RGS6: variants seen among roughly 807,000 people sequenced by gnomAD.
RGS6 encodes regulator of G-protein signaling 6.
Under a neutral mutation model 78.5 loss-of-function variants are expected in RGS6, and 30 were observed. The observed-to-expected ratio is 0.38, with a 90% CI of 0.29 to 0.52. The LOEUF is 0.52. Among genes scored for constraint, RGS6 ranks in the 20% least tolerant of loss-of-function variants. The probability of loss-of-function intolerance (pLI) is 0.85; values close to 1 mark genes in which losing one functional copy is unlikely to be tolerated. For synonymous variants in RGS6, 206 were observed against 206.0 expected, an observed-to-expected ratio of 1.00 and a Z score of 0.00; for missense variants, 495 against 609.7, an observed-to-expected ratio of 0.81 and a Z score of 1.98.
intron 2 of RGS6, among the ~76,000 whole-genome samples, chr14:72,169,493 A>G (rs142344323): frequency 1.3e-5 from 2 of 152,356 alleles, no homozygotes; most frequent in Non-Finnish European, 2.9e-5. Flanking sequence ...TAGTGTTTCA[A>G]CAGAAACAGT....
At chr14:72,506,758 T>G (rs537311264) in intron 13 of RGS6, among the ~76,000 whole-genome samples, 2 of 152,226 alleles carry the variant, frequency 1.3e-5, no homozygotes, top group East Asian at 3.9e-4. Context: ...GAATCTGACT[T>G]ATTTGGAAAT....
chr14:72,349,746 A>G (rs2078766695), intron 2 of RGS6, among the ~76,000 whole-genome samples: 1 of 152,186 alleles, frequency 6.6e-6, no homozygotes. Flanking sequence ...AACTAAACTG[A>G]GTGGAGGACA....
intron 2 of RGS6, among the ~76,000 whole-genome samples, chr14:72,347,946 C>T (rs1416576267): frequency 6.6e-6 from 1 of 152,154 alleles, no homozygotes; most frequent in Non-Finnish European, 1.5e-5. Context: ...GCTTTATTTG[C>T]CATGTTCAGC....
chr14:72,174,570 G>A (rs1195496946), intron 2 of RGS6, among the ~76,000 whole-genome samples: 2 of 152,160 alleles, frequency 1.3e-5, no homozygotes, highest in East Asian at 3.9e-4. Flanking sequence ...ACCTCTTGAG[G>A]GGTCCTAGAA....
chr14:71,886,198 T>C, the RGS6 span, among the ~76,000 whole-genome samples: 1 of 152,234 alleles, frequency 6.6e-6, no homozygotes, highest in Non-Finnish European at 1.5e-5. Flanking sequence ...GAATTCAGCC[T>C]AAATATTGCC....
At chr14:72,289,943 C>T (rs2063281545) in intron 2 of RGS6, among the ~76,000 whole-genome samples, 1 of 152,144 alleles carries the variant, frequency 6.6e-6, no homozygotes, top group Non-Finnish European at 1.5e-5. Flanking sequence ...GTTGTTTTCC[C>T]TGTCACTTCT....
the RGS6 span, among the ~76,000 whole-genome samples, chr14:72,603,132 T>C: frequency 6.6e-6 from 1 of 152,354 alleles, no homozygotes; most frequent in African/African-American, 2.4e-5. Flanking sequence ...AGAAGAAAGT[T>C]GGCCATTTTG....
intron 1 of RGS6, among the ~76,000 whole-genome samples, chr14:71,943,861 A>G (rs1252589135): frequency 6.6e-6 from 1 of 152,214 alleles, no homozygotes; most frequent in African/African-American, 2.4e-5. Context: ...AGGAGGAAGG[A>G]TGGGCTAGTA....
chr14:72,209,442 T>C (rs1253217787), intron 2 of RGS6, among the ~76,000 whole-genome samples: 1 of 152,202 alleles, frequency 6.6e-6, no homozygotes, highest in African/African-American at 2.4e-5. Context: ...AAGTGAGCAA[T>C]TTTATTAAAA....
At chr14:71,882,241 T>C in the RGS6 span, among the ~76,000 whole-genome samples, 1 of 152,252 alleles carries the variant, frequency 6.6e-6, no homozygotes, top group African/African-American at 2.4e-5. Flanking sequence ...CACAATGTCC[T>C]AAAGTTTTAT....
At chr14:72,104,483 T>A (rs905028992) in intron 2 of RGS6, among the ~76,000 whole-genome samples, 1 of 152,180 alleles carries the variant, frequency 6.6e-6, no homozygotes, top group South Asian at 2.1e-4. Flanking sequence ...GAAATGAAAC[T>A]TGAACAGAAC....
intron 2 of RGS6, among the ~76,000 whole-genome samples, chr14:72,074,960 CT>C (rs1384697642): frequency 6.6e-6 from 1 of 152,152 alleles, no homozygotes; most frequent in Non-Finnish European, 1.5e-5. Flanking sequence ...TGGAAACATA[CT>C]TTTAAATGAA....
intron 2 of RGS6, among the ~76,000 whole-genome samples, chr14:72,151,721 T>C (rs1410309011): frequency 1.4e-4 from 21 of 152,146 alleles, no homozygotes; most frequent in Non-Finnish European, 4.4e-5. Flanking sequence ...GTAGAAAGTG[T>C]CTTGATTTTT....
At chr14:72,609,152 G>A in the RGS6 span, among the ~76,000 whole-genome samples, 7 of 152,218 alleles carry the variant, frequency 4.6e-5, no homozygotes, top group African/African-American at 1.4e-4. Flanking sequence ...CAGCAAGGAA[G>A]GGGTAGGGGC....
intron 3 of RGS6, among the ~76,000 whole-genome samples, chr14:72,408,348 A>C (rs188588945): frequency 1.4e-3 from 213 of 152,252 alleles, no homozygotes; most frequent in African/African-American, 4.3e-3. Context: ...TAATCTTTTC[A>C]TTGTTTAGTA....
chr14:72,125,197 G>A (rs2096158688), intron 2 of RGS6, among the ~76,000 whole-genome samples: 1 of 152,122 alleles, frequency 6.6e-6, no homozygotes, highest in African/African-American at 2.4e-5. Context: ...GTGTTGTGTG[G>A]CTTCAAGGAT....
At chr14:72,187,167 T>TA (rs1182936414) in intron 2 of RGS6, among the ~76,000 whole-genome samples, 5 of 152,194 alleles carry the variant, frequency 3.3e-5, no homozygotes, top group Non-Finnish European at 7.3e-5. Flanking sequence ...ATTGATTTTT[T>TA]AAAAAAATCT....
intron 2 of RGS6, among the ~76,000 whole-genome samples, chr14:72,065,002 T>C (rs549979890): frequency 1.3e-5 from 2 of 152,362 alleles, no homozygotes; most frequent in African/African-American, 4.8e-5. Flanking sequence ...AGAACTATTA[T>C]AATAGTCAGA....
chr14:72,001,860 A>G (rs1364669482), intron 2 of RGS6, among the ~76,000 whole-genome samples: 1 of 147,554 alleles, frequency 6.8e-6, no homozygotes, highest in Admixed American at 6.8e-5. Flanking sequence ...TTTGTGCAGA[A>G]CTTTAGTCTT....
Sources: gnomAD v4.1 joint callset for allele counts (sites outside exome capture counted in the v4.1 genomes callset) on GRCh38, gnomAD v4.1.1 for gene constraint, MANE v1.5 for transcripts, NCBI Gene and HGNC (gene_info 2026-07-23, HGNC 2026-07-21) for gene names.